SGCZ: variants seen among roughly 807,000 people sequenced by gnomAD.
SGCZ encodes zeta-sarcoglycan.
Under a neutral mutation model 41.3 loss-of-function variants are expected in SGCZ, and 40 were observed. That is an observed-to-expected ratio of 0.97 (90% CI 0.75 to 1.26). The LOEUF is 1.26. SGCZ is among the 50% of genes most tolerant of loss of function. The pLI is 0.00. For synonymous variants in SGCZ, 206 were observed against 137.5 expected (o/e 1.50, Z -3.49); for missense variants, 552 against 369.8 (o/e 1.49, Z -4.04).
At chr8:14,703,528 G>C (rs141738401) in intron 1 of SGCZ, among the ~76,000 whole-genome samples, 514 of 151,914 alleles carry the variant, frequency 3.4e-3, no homozygotes, top group African/African-American at 0.011. Context: ...GCTGAATATT[G>C]CCTTATATAT....
chr8:14,582,314 A>C (rs10086627), intron 1 of SGCZ, among the ~76,000 whole-genome samples: 6,660 of 152,166 alleles, frequency 0.044, 347 homozygotes, highest in African/African-American at 0.13. Flanking sequence ...AAAATTTTCA[A>C]CTATGTGGGG....
intron 5 of SGCZ, among the ~76,000 whole-genome samples, chr8:14,164,191 CCTTA>C (rs1409983900): frequency 3.3e-5 from 5 of 151,994 alleles, no homozygotes; most frequent in Admixed American, 6.6e-5. Context: ...ATAACTTCCC[CCTTA>C]CTTAATTCTA....
chr8:14,373,850 A>G (rs1475140679), intron 2 of SGCZ, among the ~76,000 whole-genome samples: 1 of 152,164 alleles, frequency 6.6e-6, no homozygotes, highest in Non-Finnish European at 1.5e-5. Context: ...AGCTGATTCT[A>G]GATCTCTGAG....
At chr8:15,174,845 A>G (rs1799950385) in intron 1 of SGCZ, among the ~76,000 whole-genome samples, 1 of 152,174 alleles carries the variant, frequency 6.6e-6, no homozygotes, top group Non-Finnish European at 1.5e-5. Context: ...CTAAAAACAT[A>G]ACACATGCTG....
chr8:14,418,770 C>A (rs1375142005), intron 2 of SGCZ, among the ~76,000 whole-genome samples: 1 of 151,894 alleles, frequency 6.6e-6, no homozygotes, highest in South Asian at 2.1e-4. Context: ...AAAAAGCATT[C>A]TTTTCCACTG....
At chr8:14,129,617 C>T (rs975764219) in intron 5 of SGCZ, among the ~76,000 whole-genome samples, 2 of 151,656 alleles carry the variant, frequency 1.3e-5, no homozygotes, top group Non-Finnish European at 2.9e-5. Context: ...AGAAGAAAGA[C>T]TTCAACAATC....
intron 1 of SGCZ, among the ~76,000 whole-genome samples, chr8:14,622,935 T>G (rs1381123466): frequency 6.6e-6 from 1 of 152,152 alleles, no homozygotes; most frequent in Non-Finnish European, 1.5e-5. Context: ...CCTCCTTTGT[T>G]CAAGCAAAAC....
chr8:14,506,116 T>C (rs892432393), intron 2 of SGCZ, among the ~76,000 whole-genome samples: 5 of 151,906 alleles, frequency 3.3e-5, no homozygotes, highest in African/African-American at 1.2e-4. Flanking sequence ...GGCAGGCGGA[T>C]CATGAGGTCA....
intron 2 of SGCZ, among the ~76,000 whole-genome samples, chr8:14,497,376 T>C (rs149858865): frequency 0.022 from 3,416 of 152,134 alleles, 62 homozygotes; most frequent in Non-Finnish European, 0.036. Flanking sequence ...CAATCAGATC[T>C]CTCGTGAACT....
intron 1 of SGCZ, among the ~76,000 whole-genome samples, chr8:14,939,709 T>C (rs976853205): frequency 7.9e-5 from 12 of 152,112 alleles, no homozygotes; most frequent in African/African-American, 2.9e-4. Flanking sequence ...AGTCCACAGA[T>C]ACATTTGATG....
chr8:14,883,652 G>A (rs560705990), intron 1 of SGCZ, among the ~76,000 whole-genome samples: 2 of 151,734 alleles, frequency 1.3e-5, no homozygotes, highest in East Asian at 3.9e-4. Flanking sequence ...TCATAGCCTT[G>A]TGTCTCCCAA....
chr8:14,253,749 A>G (rs1158937918), intron 3 of SGCZ, among the ~76,000 whole-genome samples: 1 of 152,154 alleles, frequency 6.6e-6, no homozygotes, highest in African/African-American at 2.4e-5. Flanking sequence ...TTCTTGCTTT[A>G]CAGAACGAGC....
At position 14,102,099 on chromosome 8, in the gene SGCZ, TA is replaced by T. The variant is rs1563127128; in HGVS notation, c.744+276del. 3.4e-3 allele frequency among the ~76,000 whole-genome samples: 391 copies of T among 115,386 alleles called. 1 individual carries two copies. Among genetic ancestry groups the T allele is most frequent in the South Asian group, 0.019 (69 of 3,614 alleles). The allele number at this position is 115,386 out of a possible 152,430, so 75.7% of individuals were successfully genotyped here. ...CTTTATATATATATATATATATATA[TA>T]TATAATTTTTTTTTTTTTTAGTAGA... On this transcript the variant is annotated intron_variant, in intron 7 of 7. Transcript: ENST00000382080.
chr8:14,606,283 G>T (rs1222845649), intron 1 of SGCZ, among the ~76,000 whole-genome samples: 1 of 151,894 alleles, frequency 6.6e-6, no homozygotes, highest in Admixed American at 6.6e-5. Flanking sequence ...CCACTTTCTT[G>T]CTTCATATTC....
Position 14,151,060 on chromosome 8 carries a change from G to C in SGCZ, c.547+13520C>G, listed in dbSNP as rs185621092. Among the ~76,000 whole-genome samples, 94 of 152,152 alleles carry C rather than the reference G, an allele frequency of 6.2e-4. 2 individuals carry two copies. The highest frequency in any genetic ancestry group is 2.1e-3 in the African/African-American group (89 of 41,510). On this transcript the variant is annotated intron_variant, in intron 5 of 7. Coordinates refer to ENST00000382080, the MANE Select transcript of SGCZ (RefSeq NM_139167.4). ...GGATGCGTCAGGTGAGGTGGGAATG[G>C]TTATTGAGTACAAAAAATAGTAAGA...
At chr8:14,963,196 T>C (rs9694404) in intron 1 of SGCZ, among the ~76,000 whole-genome samples, 11,253 of 152,162 alleles carry the variant, frequency 0.074, 606 homozygotes, top group African/African-American at 0.14. Flanking sequence ...GAACACCATA[T>C]ATGGCATACA....
At chr8:14,440,717 GTATA>G in intron 2 of SGCZ, among the ~76,000 whole-genome samples, 1 of 52,514 alleles carries the variant, frequency 1.9e-5, no homozygotes, top group Non-Finnish European at 4.5e-5. Flanking sequence ...ATATACATAC[GTATA>G]CACGTATATG....
chr8:14,445,641 C>T (rs74747242), intron 2 of SGCZ, among the ~76,000 whole-genome samples: 25,545 of 152,144 alleles, frequency 0.17, 2,247 homozygotes, highest in African/African-American at 0.22. Flanking sequence ...ACCTCATTAT[C>T]CTTGGACATC....
intron 1 of SGCZ, among the ~76,000 whole-genome samples, chr8:14,610,005 G>C (rs1392646923): frequency 6.6e-6 from 1 of 152,104 alleles, no homozygotes; most frequent in Non-Finnish European, 1.5e-5. Context: ...CTGTTCACGA[G>C]GGAGATTTCA....
Sources: gnomAD v4.1 joint callset for allele counts (sites outside exome capture counted in the v4.1 genomes callset) on GRCh38, gnomAD v4.1.1 for gene constraint, MANE v1.5 for transcripts, NCBI Gene and HGNC (gene_info 2026-07-23, HGNC 2026-07-21) for gene names.